The following NRG1 variants were observed in gnomAD, a reference collection of about 807,000 sequenced individuals.
NRG1 encodes the protein neuregulin 1.
A neutral mutation model predicts 63.8 loss-of-function variants in NRG1; 18 were observed. That is an observed-to-expected ratio of 0.28 (90% CI 0.19 to 0.42). The LOEUF (loss-of-function observed/expected upper bound fraction) is 0.42, where lower values mean the gene tolerates loss of function less well. NRG1 is among the 10% of genes least tolerant of loss of function. The pLI is 1.00. For missense variants in NRG1, 762 were observed against 814.7 expected (o/e 0.94, Z 0.79); for synonymous variants, 302 against 301.3 (o/e 1.00, Z -0.02).
chr8:32,760,569 C>T (rs752972482), intron 11 of NRG1, 163 bp downstream of exon 11: 245 of 1,435,122 alleles, frequency 1.7e-4, no homozygotes, highest in Non-Finnish European at 2.0e-4. Context: ...CTTTGTTTGA[C>T]GGAACTTATT....
At chr8:32,032,886 T>A (rs1334623741) in intron 1 of NRG1, among the ~76,000 whole-genome samples, 2 of 152,056 alleles carry the variant, frequency 1.3e-5, no homozygotes, top group African/African-American at 4.8e-5. Flanking sequence ...TTTTCTAGGG[T>A]TTTTATAGTT....
intron 1 of NRG1, among the ~76,000 whole-genome samples, chr8:31,868,312 G>T (rs565233405): frequency 1.3e-5 from 2 of 152,238 alleles, no homozygotes; most frequent in South Asian, 4.1e-4. Flanking sequence ...TGAAGTCAAT[G>T]AAGTCAACAA....
chr8:32,356,448 C>A (rs1306770242), intron 1 of NRG1, among the ~76,000 whole-genome samples: 1 of 150,516 alleles, frequency 6.6e-6, no homozygotes, highest in African/African-American at 2.5e-5. Context: ...TTAAAGCAAC[C>A]AATCACACAG....
At chr8:32,729,082 AT>A (rs1347989486) in intron 6 of NRG1, among the ~76,000 whole-genome samples, 1 of 152,202 alleles carries the variant, frequency 6.6e-6, no homozygotes, top group Non-Finnish European at 1.5e-5. Flanking sequence ...AATAAAAAAA[AT>A]AATAAAAATA....
Position 32,518,523 on chromosome 8 carries a change from G to A in NRG1, c.38-77305G>A, listed in dbSNP as rs139842559. On this transcript the variant is annotated intron_variant, in intron 1 of 10. Transcript: ENST00000519301. ...CTGCTGCCCTAACTCCCACTGGAAT[G>A]TAATTTGTACAAAGAGTGACGACAT... Among the ~76,000 whole-genome samples the A allele has an allele frequency of 1.3e-3, 203 of 152,294 alleles. 1 individual carries two copies. Among genetic ancestry groups the A allele is most frequent in the African/African-American group, 4.4e-3 (183 of 41,570 alleles).
At chr8:32,068,466 A>T (rs563299744) in intron 1 of NRG1, among the ~76,000 whole-genome samples, 59 of 152,312 alleles carry the variant, frequency 3.9e-4, no homozygotes, top group Admixed American at 3.5e-3. Context: ...AAAGACATGC[A>T]TGAAAGGCCA....
chr8:32,258,547 G>A (rs887472951), intron 1 of NRG1, among the ~76,000 whole-genome samples: 1 of 152,120 alleles, frequency 6.6e-6, no homozygotes, highest in Non-Finnish European at 1.5e-5. Flanking sequence ...GTTCTGCATG[G>A]CTAGGGAGGC....
intron 1 of NRG1, among the ~76,000 whole-genome samples, chr8:32,538,287 A>T (rs1172464468): frequency 2.6e-5 from 4 of 152,040 alleles, no homozygotes; most frequent in African/African-American, 7.2e-5. Flanking sequence ...ATATGTAGGG[A>T]CTCTTTCTCC....
intron 1 of NRG1, among the ~76,000 whole-genome samples, chr8:31,740,133 T>C (rs985963833): frequency 2.6e-5 from 4 of 152,056 alleles, no homozygotes; most frequent in African/African-American, 9.7e-5. Context: ...CTCTCTATTC[T>C]TTTTTTATAT....
intron 1 of NRG1, among the ~76,000 whole-genome samples, chr8:31,819,731 T>C (rs1377123701): frequency 1.3e-5 from 2 of 152,206 alleles, no homozygotes; most frequent in Admixed American, 6.5e-5. Flanking sequence ...ATACATTAAG[T>C]GACCTGAGCC....
At chr8:32,247,238 C>T (rs1848669986) in intron 1 of NRG1, among the ~76,000 whole-genome samples, 1 of 151,926 alleles carries the variant, frequency 6.6e-6, no homozygotes, top group African/African-American at 2.4e-5. Context: ...AATAACAGGG[C>T]AAAGTGACAT....
At chr8:31,962,919 C>T (rs1351553200) in intron 1 of NRG1, among the ~76,000 whole-genome samples, 2 of 152,076 alleles carry the variant, frequency 1.3e-5, no homozygotes, top group African/African-American at 4.8e-5. Flanking sequence ...TTTGAGAAGC[C>T]TCATTTATAT....
intron 1 of NRG1, among the ~76,000 whole-genome samples, chr8:32,191,738 C>A (rs1842516960): frequency 6.6e-6 from 1 of 152,128 alleles, no homozygotes; most frequent in African/African-American, 2.4e-5. Flanking sequence ...CAAAGCATTA[C>A]CCTTTCTGTT....
Position 31,887,418 on chromosome 8 carries a change from C to T in NRG1, c.37+247987C>T, listed in dbSNP as rs1028010662. ...TTATTATTATTTGAGCTTTATTTCC[C>T]AGCTCTCTGACACAGATTTAGGGGT... On this transcript the variant is annotated intron_variant, in intron 1 of 10. Transcript: ENST00000519301. Among the ~76,000 whole-genome samples the T allele has an allele frequency of 3.9e-5, 6 of 151,990 alleles. 1 individual carries two copies. The South Asian group carries it at 8.3e-4, about 21-fold the overall frequency.
intron 1 of NRG1, among the ~76,000 whole-genome samples, chr8:32,346,042 A>C (rs1172714297): frequency 6.8e-6 from 1 of 147,830 alleles, no homozygotes; most frequent in Non-Finnish European, 1.5e-5. Context: ...TATAGATATA[A>C]ATTATATATT....
chr8:32,007,594 C>G (rs528862406), intron 1 of NRG1, among the ~76,000 whole-genome samples: 2 of 152,030 alleles, frequency 1.3e-5, no homozygotes, highest in Non-Finnish European at 2.9e-5. Context: ...TGTAATTATT[C>G]ATTCAAATGT....
chr8:32,306,471 G>C (rs1298496644), intron 1 of NRG1, among the ~76,000 whole-genome samples: 1 of 152,162 alleles, frequency 6.6e-6, no homozygotes, highest in Non-Finnish European at 1.5e-5. Flanking sequence ...TTACCAGCTG[G>C]GTATCAACTG....
intron 1 of NRG1, among the ~76,000 whole-genome samples, chr8:32,125,475 C>A (rs1421753998): frequency 6.6e-6 from 1 of 151,872 alleles, no homozygotes. Flanking sequence ...ATGCATAGAT[C>A]ATAAAAGTTA....
chr8:31,854,302 T>C (rs906082470), intron 1 of NRG1, among the ~76,000 whole-genome samples: 8 of 152,236 alleles, frequency 5.3e-5, no homozygotes, highest in Admixed American at 5.2e-4. Flanking sequence ...CTGTTATTGG[T>C]CTACTCAGAG....
Sources: allele counts gnomAD v4.1 joint callset (sites outside exome capture counted in the v4.1 genomes callset), GRCh38; gene constraint gnomAD v4.1.1; transcripts MANE v1.5; gene names NCBI Gene and HGNC (gene_info 2026-07-23, HGNC 2026-07-21).